BCAR3: variants seen among roughly 807,000 people sequenced by gnomAD.
The protein encoded by BCAR3 is BCAR3 adaptor protein, NSP family member.
In BCAR3, 37 loss-of-function variants were observed where a neutral mutation model predicts 80.1. The ratio of observed to expected loss-of-function variants is 0.46; its 90% CI spans 0.36 to 0.61. The LOEUF (loss-of-function observed/expected upper bound fraction) is 0.61, where lower values mean the gene tolerates loss of function less well. Among genes scored for constraint, BCAR3 ranks in the 20% least tolerant of loss-of-function variants. BCAR3 has a pLI of 0.00. For missense variants in BCAR3, 978 were observed against 1,068.2 expected (o/e 0.92, Z 1.18); for synonymous variants, 389 against 418.9 (o/e 0.93, Z 0.87).
At chr1:93,765,445 T>C (rs1487895466) in intron 2 of BCAR3, among the ~76,000 whole-genome samples, 1 of 152,148 alleles carries the variant, frequency 6.6e-6, no homozygotes, top group African/African-American at 2.4e-5. Context: ...AGTCAGCATC[T>C]CTTTTCTTTA....
intron 2 of BCAR3, among the ~76,000 whole-genome samples, chr1:93,717,288 G>A (rs1425270068): frequency 5.9e-5 from 9 of 152,194 alleles, no homozygotes; most frequent in Admixed American, 5.2e-4. Context: ...AGGCCCAGCT[G>A]AGCCCAGCCA....
intron 3 of BCAR3, among the ~76,000 whole-genome samples, chr1:93,695,868 C>A (rs1021061281): frequency 3.3e-5 from 5 of 152,160 alleles, no homozygotes; most frequent in Non-Finnish European, 5.9e-5. Context: ...CTCTGAGACA[C>A]CGTTTTCTCC....
chr1:93,694,061 T>A (rs1415657089), intron 3 of BCAR3, among the ~76,000 whole-genome samples: 3 of 152,204 alleles, frequency 2.0e-5, no homozygotes, highest in African/African-American at 7.2e-5. Flanking sequence ...CAAGGTTGCA[T>A]GTCTAAAAAG....
intron 2 of BCAR3, among the ~76,000 whole-genome samples, chr1:93,661,973 T>C (rs1647682480): frequency 6.6e-6 from 1 of 152,268 alleles, no homozygotes; most frequent in Admixed American, 6.5e-5. Context: ...ACACTCATTT[T>C]ATATTCTGCA....
chr1:93,627,786 G>T (rs1228093224), intron 3 of BCAR3, among the ~76,000 whole-genome samples: 1 of 151,912 alleles, frequency 6.6e-6, no homozygotes, highest in Non-Finnish European at 1.5e-5. Flanking sequence ...AACTTTTTAG[G>T]GTCCTCAATA....
chr1:93,630,246 C>G (rs1006073006), intron 3 of BCAR3, among the ~76,000 whole-genome samples: 21 of 152,170 alleles, frequency 1.4e-4, no homozygotes, highest in African/African-American at 5.1e-4. Context: ...CCTTGTGCAT[C>G]TGGTGTGGGT....
chr1:93,834,815 A>G (rs2100839528), intron 2 of BCAR3, among the ~76,000 whole-genome samples: 1 of 152,208 alleles, frequency 6.6e-6, no homozygotes, highest in South Asian at 2.1e-4. Context: ...CACAATTACC[A>G]TTGTTCCTGG....
intron 2 of BCAR3, among the ~76,000 whole-genome samples, chr1:93,709,080 T>C (rs1163232639): frequency 3.3e-5 from 5 of 152,130 alleles, no homozygotes; most frequent in Non-Finnish European, 1.5e-5. Context: ...GGCTTTGTTC[T>C]GTTTGGAAAA....
intron 3 of BCAR3, among the ~76,000 whole-genome samples, chr1:93,604,924 G>A (rs1413511207): frequency 6.6e-6 from 1 of 152,142 alleles, no homozygotes; most frequent in African/African-American, 2.4e-5. Context: ...CTTGACCCCA[G>A]TGAGTTTGCC....
chr1:93,602,950 T>C (rs1674669532), intron 3 of BCAR3, among the ~76,000 whole-genome samples: 1 of 152,242 alleles, frequency 6.6e-6, no homozygotes. Context: ...TGGTTCTGTT[T>C]CACCTTTTAC....
chr1:93,697,722 G>C (rs148177255), intron 3 of BCAR3, among the ~76,000 whole-genome samples: 4,948 of 152,256 alleles, frequency 0.032, 264 homozygotes, highest in African/African-American at 0.11. Flanking sequence ...ACTCAAGCCT[G>C]TAATCCCAGC....
At chr1:93,640,592 G>A (rs4847182) in intron 3 of BCAR3, among the ~76,000 whole-genome samples, 13,647 of 152,248 alleles carry the variant, frequency 0.09, 773 homozygotes, top group Non-Finnish European at 0.13. Context: ...ACTGTCAGGA[G>A]AAGGCAAAGA....
chr1:93,578,061 G>A (rs994354790), intron 7 of BCAR3, among the ~76,000 whole-genome samples: 3 of 152,186 alleles, frequency 2.0e-5, no homozygotes, highest in African/African-American at 4.8e-5. Context: ...ACTGTGAGCC[G>A]ACTCCACAGG....
chr1:93,733,732 T>C (rs754674522), intron 2 of BCAR3, among the ~76,000 whole-genome samples: 1 of 152,228 alleles, frequency 6.6e-6, no homozygotes, highest in Non-Finnish European at 1.5e-5. Flanking sequence ...CACATGTGTA[T>C]GCACGTGGGT....
chr1:93,701,885 T>G (rs546134438), intron 3 of BCAR3, among the ~76,000 whole-genome samples: 2 of 152,124 alleles, frequency 1.3e-5, no homozygotes, highest in Non-Finnish European at 2.9e-5. Context: ...TAAGAACATG[T>G]GAGCCACCCT....
rs189948817 is a variant in BCAR3 at position 93,608,137 on chromosome 1, G to C, written c.358-15744C>G. Among the ~76,000 whole-genome samples the C allele has an allele frequency of 1.2e-4, 18 of 152,338 alleles. No individual in the cohort carries two copies. In the East Asian group the frequency reaches 3.5e-3, roughly 29 times the overall value. Reference sequence around the variant, plus strand: ...ATATCTAGAGTAGACACTGGGGAGAGTTCTTCTCCACAAGAACTAAAAGAC... The same window carrying C: ...ATATCTAGAGTAGACACTGGGGAGACTTCTTCTCCACAAGAACTAAAAGAC... On this transcript the variant is annotated intron_variant, in intron 3 of 11. Transcript: ENST00000260502.
chr1:93,764,577 C>T (rs916334363), intron 2 of BCAR3, among the ~76,000 whole-genome samples: 3 of 152,128 alleles, frequency 2.0e-5, no homozygotes, highest in South Asian at 2.1e-4. Flanking sequence ...TCCTGAATTG[C>T]TGCCACAGTC....
intron 3 of BCAR3, among the ~76,000 whole-genome samples, chr1:93,622,305 C>T (rs563165383): frequency 6.6e-6 from 1 of 152,330 alleles, no homozygotes; most frequent in East Asian, 1.9e-4. Flanking sequence ...TCAAACAGCT[C>T]TTAAAGTTAA....
chr1:93,621,498 G>C (rs1675310219), intron 3 of BCAR3, among the ~76,000 whole-genome samples: 1 of 152,196 alleles, frequency 6.6e-6, no homozygotes, highest in African/African-American at 2.4e-5. Flanking sequence ...AGAATACCTT[G>C]GTGGTCACAG....
Sources: gnomAD v4.1 joint callset for allele counts (sites outside exome capture counted in the v4.1 genomes callset) on GRCh38, gnomAD v4.1.1 for gene constraint, MANE v1.5 for transcripts, NCBI Gene and HGNC (gene_info 2026-07-23, HGNC 2026-07-21) for gene names.